Variants in CA4 observed in about 807,000 individuals in gnomAD.
CA4 encodes CA-IV.
Under a neutral mutation model 34.5 loss-of-function variants are expected in CA4, and 24 were observed. The observed-to-expected ratio is 0.70, with a 90% CI of 0.50 to 0.98. CA4 has a LOEUF of 0.98. Ranked by LOEUF, CA4 falls within the 50% of genes least tolerant of loss-of-function variation. The pLI is 0.00. For synonymous variants in CA4, 178 were observed against 170.6 expected (o/e 1.04, Z -0.34); for missense variants, 394 against 396.7 (o/e 0.99, Z 0.06).
chr17:60,163,423 G>T (rs1298969525), downstream of CA4, among the ~76,000 whole-genome samples: 1 of 152,122 alleles, frequency 6.6e-6, no homozygotes, highest in Non-Finnish European at 1.5e-5. Flanking sequence ...TCTGCAGAAG[G>T]GGCTACCCTT....
At chr17:60,159,996 C>T (rs1028678277), downstream of CA4, among the ~76,000 whole-genome samples, 6 of 152,140 alleles carry the variant, frequency 3.9e-5, no homozygotes, top group Non-Finnish European at 8.8e-5. Flanking sequence ...AAAAATTAAC[C>T]AGGTGTGGTG....
At chr17:60,159,634 G>T (rs552577894), downstream of CA4, 3 of 627,444 alleles carry the variant, frequency 4.8e-6, no homozygotes, top group African/African-American at 3.7e-5. Context: ...CAGGGCGGGG[G>T]CTTTAAGGCC....
At chr17:60,163,705 A>T (rs2145295823), downstream of CA4, among the ~76,000 whole-genome samples, 1 of 152,342 alleles carries the variant, frequency 6.6e-6, no homozygotes, top group South Asian at 2.1e-4. Flanking sequence ...TCGGCTGGAC[A>T]CGTGGGAGGC....
chr17:60,171,701 C>T (rs569365540), downstream of CA4, among the ~76,000 whole-genome samples: 3 of 152,342 alleles, frequency 2.0e-5, no homozygotes, highest in Middle Eastern at 3.4e-3. Flanking sequence ...CTACACCCCC[C>T]ACTGTCACTT....
intron 3 of CA4, 98 bp from the exon 4 acceptor site, chr17:60,157,329 G>T: frequency 7.2e-7 from 1 of 1,388,510 alleles, no homozygotes; most frequent in Non-Finnish European, 1.0e-6. Context: ...AAGGTTGGGA[G>T]GCAGGAGACA....
At chr17:60,167,190 C>T (rs2083864275) in intron 5 of CA4, among the ~76,000 whole-genome samples, 1 of 152,176 alleles carries the variant, frequency 6.6e-6, no homozygotes, top group Non-Finnish European at 1.5e-5. Context: ...GTGCTGCTGG[C>T]CTCCAAGTGT....
chr17:60,156,452 C>A, intron 2 of CA4, 108 bp from the exon 3 acceptor site: 1 of 1,102,816 alleles, frequency 9.1e-7, no homozygotes. Flanking sequence ...CACCCCAAAG[C>A]GTTTCTGTGT....
downstream of CA4, among the ~76,000 whole-genome samples, chr17:60,164,459 G>A (rs2083834757): frequency 6.6e-6 from 1 of 150,934 alleles, no homozygotes; most frequent in Admixed American, 6.6e-5. Context: ...GCACGTTTTC[G>A]GCTCACTGCA....
intron 5 of CA4, among the ~76,000 whole-genome samples, chr17:60,168,468 G>T (rs1394708878): frequency 1.4e-5 from 1 of 70,158 alleles, no homozygotes; most frequent in Non-Finnish European, 2.6e-5. Context: ...TCTTTTTTTG[G>T]GGGGGCAGGT....
chr17:60,160,673 G>T (rs1053476228), downstream of CA4, among the ~76,000 whole-genome samples: 6 of 149,148 alleles, frequency 4.0e-5, no homozygotes, highest in African/African-American at 1.5e-4. Context: ...TGAGGCAGGA[G>T]AATTGAGGCA....
downstream of CA4, among the ~76,000 whole-genome samples, chr17:60,160,818 G>T (rs920467828): frequency 4.6e-5 from 7 of 151,424 alleles, no homozygotes; most frequent in Non-Finnish European, 8.8e-5. Context: ...GGGCGGCTGG[G>T]AGGAGGCCAG....
chr17:60,151,241 C>T (rs2083587048), intron 1 of CA4, among the ~76,000 whole-genome samples: 1 of 152,102 alleles, frequency 6.6e-6, no homozygotes, highest in African/African-American at 2.4e-5. Context: ...GAAACCTCCT[C>T]TCCCAAGTTA....
Position 60,150,092 on chromosome 17 carries a change from G to T in CA4, c.58G>T (p.Glu20Ter), listed in dbSNP as rs1402202023. The change falls in exon 1 of 8, where the codon GAG becomes TAG. Residue 20 changes from glutamate to a stop codon, truncating the protein, a stop_gained and splice_region_variant. Transcript: ENST00000300900. LOFTEE classifies it high-confidence loss of function. ...CGCGGCGCGGCCATCGGCCAGTGCA[G>T]GTGAGCTCCCGGGCTCCGGCCCCAG... ...LSAARPSASA[E>*]SHWCYEVQAE... The T allele has an allele frequency of 6.3e-7, 1 of 1,597,096 alleles. No individual in the cohort carries two copies.
chr17:60,164,016 T>A (rs75067862), downstream of CA4, among the ~76,000 whole-genome samples: 937 of 151,770 alleles, frequency 6.2e-3, 25 homozygotes, highest in Admixed American at 0.046. Flanking sequence ...ATGGTCCCAG[T>A]TACTTGAGAG....
chr17:60,157,863 T>C, intron 5 of CA4, 75 bp downstream of exon 5: 1 of 1,528,722 alleles, frequency 6.5e-7, no homozygotes, highest in Non-Finnish European at 9.0e-7. Flanking sequence ...GACCTGGGAC[T>C]CCAGCGAGGC....
downstream of CA4, among the ~76,000 whole-genome samples, chr17:60,173,145 A>AAAAC (rs370806539): frequency 2.6e-4 from 39 of 152,232 alleles, no homozygotes; most frequent in East Asian, 3.9e-3. Flanking sequence ...CTCCGTCTCA[A>AAAAC]AAACAAACAA....
chr17:60,174,791 T>G (rs148735151), downstream of CA4, among the ~76,000 whole-genome samples: 170 of 152,294 alleles, frequency 1.1e-3, 1 homozygote, highest in African/African-American at 3.1e-3. Context: ...TGTGTCCCAG[T>G]AAAATTCTGT....
intron 5 of CA4, among the ~76,000 whole-genome samples, chr17:60,166,262 C>A (rs1407381372): frequency 6.6e-6 from 1 of 152,188 alleles, no homozygotes; most frequent in Non-Finnish European, 1.5e-5. Flanking sequence ...GCACCTGCCA[C>A]CATGCCGGGC....
chr17:60,170,387 C>T (rs1171300765), intron 5 of CA4, among the ~76,000 whole-genome samples: 2 of 152,198 alleles, frequency 1.3e-5, no homozygotes, highest in Admixed American at 6.5e-5. Context: ...TCCCATCCCA[C>T]CTCTGAAATG....
Sources: allele counts gnomAD v4.1 joint callset (sites outside exome capture counted in the v4.1 genomes callset), GRCh38; gene constraint gnomAD v4.1.1; transcripts MANE v1.5; gene names NCBI Gene and HGNC (gene_info 2026-07-23, HGNC 2026-07-21).